WWP2: variants seen among roughly 807,000 people sequenced by gnomAD.
WWP2 encodes WW domain containing E3 ubiquitin protein ligase 2, also known as NEDD4-like E3 ubiquitin-protein ligase WWP2.
Under a neutral mutation model 121.0 loss-of-function variants are expected in WWP2, and 57 were observed. The ratio of observed to expected loss-of-function variants is 0.47; its 90% CI spans 0.38 to 0.59. The LOEUF is 0.59. WWP2 is among the 20% of genes least tolerant of loss of function. WWP2 has a pLI of 0.00. For missense variants in WWP2, 962 were observed against 1,158.9 expected (o/e 0.83, Z 2.47); for synonymous variants, 449 against 441.3 (o/e 1.02, Z -0.22).
At chr16:69,871,382 A>G (rs1234500494) in intron 6 of WWP2, among the ~76,000 whole-genome samples, 1 of 152,232 alleles carries the variant, frequency 6.6e-6, no homozygotes, top group Non-Finnish European at 1.5e-5. Flanking sequence ...TCATCTTTCT[A>G]GCTATAGAGA....
At chr16:69,814,074 C>T (rs1255184956) in intron 4 of WWP2, among the ~76,000 whole-genome samples, 7 of 152,104 alleles carry the variant, frequency 4.6e-5, no homozygotes, top group African/African-American at 9.7e-5. Flanking sequence ...CCTTGGGATT[C>T]GGGGACACAC....
chr16:69,852,798 C>A (rs1222635531), intron 6 of WWP2, among the ~76,000 whole-genome samples: 1 of 152,156 alleles, frequency 6.6e-6, no homozygotes, highest in East Asian at 1.9e-4. Context: ...CTCTTTACCA[C>A]CTGTTTTTGG....
At chr16:69,902,578 G>A (rs1052649299) in intron 8 of WWP2, among the ~76,000 whole-genome samples, 5 of 152,328 alleles carry the variant, frequency 3.3e-5, no homozygotes, top group Middle Eastern at 3.4e-3. Flanking sequence ...GGAAGCTATC[G>A]AGGGGGACAG....
chr16:69,790,436 A>G (rs1370458743), intron 2 of WWP2, among the ~76,000 whole-genome samples: 1 of 152,148 alleles, frequency 6.6e-6, no homozygotes, highest in African/African-American at 2.4e-5. Context: ...CATGTTGAGT[A>G]GCTGAGGAGG....
chr16:69,931,104 A>G (rs758619215), intron 13 of WWP2, 48 bp from the exon 14 acceptor site: 8 of 1,590,382 alleles, frequency 5.0e-6, no homozygotes, highest in Non-Finnish European at 6.9e-6. Flanking sequence ...CAAATTGTTC[A>G]TTTTCTGAGA....
chr16:69,855,286 A>G (rs951645496), intron 6 of WWP2, among the ~76,000 whole-genome samples: 5 of 152,188 alleles, frequency 3.3e-5, no homozygotes, highest in South Asian at 2.1e-4. Context: ...ATTTGTCTCA[A>G]TATTCTTGGG....
At chr16:69,796,545 G>A (rs1208014321) in intron 2 of WWP2, among the ~76,000 whole-genome samples, 1 of 152,192 alleles carries the variant, frequency 6.6e-6, no homozygotes, top group Non-Finnish European at 1.5e-5. Context: ...ACTATTCTGC[G>A]AAAAGACCAA....
At chr16:69,830,790 A>G (rs376188375) in intron 4 of WWP2, among the ~76,000 whole-genome samples, 17 of 152,170 alleles carry the variant, frequency 1.1e-4, no homozygotes, top group African/African-American at 4.1e-4. Context: ...AAATCCTGGA[A>G]TCATCTGGCT....
chr16:69,805,551 T>C (rs1334268800), intron 4 of WWP2, among the ~76,000 whole-genome samples: 2 of 152,014 alleles, frequency 1.3e-5, no homozygotes, highest in Non-Finnish European at 2.9e-5. Flanking sequence ...TTTGGCACCT[T>C]TCTGACTGGG....
rs762663557 is a variant in WWP2, at chr16:69,890,591, G to A, written c.914+2342G>A. Reference sequence around the variant, plus strand: ...TTGGCAGAAAGGAGAGAAAATGGCCGCCTGTGTCCCCAGTGAGCTGTTTGT... The same window carrying A: ...TTGGCAGAAAGGAGAGAAAATGGCCACCTGTGTCCCCAGTGAGCTGTTTGT... On this transcript the variant is annotated intron_variant, in intron 8 of 23. Transcript: ENST00000359154. 3.2e-4 allele frequency among the ~76,000 whole-genome samples: 49 copies of A among 152,276 alleles called. 1 individual carries two copies. The highest frequency in any genetic ancestry group is 1.3e-4 in the Admixed American group (2 of 15,286).
intron 13 of WWP2, 116 bp from the exon 14 acceptor site, chr16:69,931,036 C>G (rs899837805): frequency 1.9e-5 from 18 of 952,212 alleles, no homozygotes; most frequent in Non-Finnish European, 2.9e-5. Flanking sequence ...ACTTCCTCAC[C>G]TTACATTACT....
chr16:69,900,420 G>C (rs1249797513), intron 8 of WWP2, among the ~76,000 whole-genome samples: 1 of 136,838 alleles, frequency 7.3e-6, no homozygotes, highest in Non-Finnish European at 1.7e-5. Context: ...CTTGAGCCCA[G>C]GAGTTCAAAA....
chr16:69,903,907 G>A (rs1942346980), intron 8 of WWP2, among the ~76,000 whole-genome samples: 1 of 152,166 alleles, frequency 6.6e-6, no homozygotes, highest in Non-Finnish European at 1.5e-5. Context: ...TGAAAAATGA[G>A]CGTACTAGTA....
intron 1 of WWP2, among the ~76,000 whole-genome samples, chr16:69,780,865 A>G (rs2055649614): frequency 6.6e-6 from 1 of 152,038 alleles, no homozygotes; most frequent in Non-Finnish European, 1.5e-5. Context: ...TAAATTAATA[A>G]AAAAGGAAAA....
At chr16:69,922,920 C>T (rs924204119) in intron 10 of WWP2, among the ~76,000 whole-genome samples, 2 of 151,590 alleles carry the variant, frequency 1.3e-5, no homozygotes, top group African/African-American at 2.4e-5. Flanking sequence ...GACGGAGTCT[C>T]GCTCTGTTGC....
intron 4 of WWP2, among the ~76,000 whole-genome samples, chr16:69,818,526 C>T (rs1188466784): frequency 6.6e-6 from 1 of 152,154 alleles, no homozygotes; most frequent in Non-Finnish European, 1.5e-5. Context: ...TCTTGAGGAA[C>T]CTCCAGTGAG....
intron 4 of WWP2, among the ~76,000 whole-genome samples, chr16:69,802,763 C>T (rs1425703408): frequency 2.0e-5 from 3 of 151,828 alleles, no homozygotes; most frequent in Non-Finnish European, 4.4e-5. Context: ...GCCACCATGC[C>T]CAGCTAATTT....
chr16:69,905,616 C>T (rs2058277591), intron 8 of WWP2, among the ~76,000 whole-genome samples: 1 of 152,164 alleles, frequency 6.6e-6, no homozygotes, highest in African/African-American at 2.4e-5. Flanking sequence ...AAATCTGAAA[C>T]ACTTCTGGTC....
At chr16:69,885,482 A>C (rs2151935105) in intron 7 of WWP2, among the ~76,000 whole-genome samples, 1 of 152,352 alleles carries the variant, frequency 6.6e-6, no homozygotes, top group Non-Finnish European at 1.5e-5. Context: ...TTCTAGCATC[A>C]GGCTCTTACC....
Sources: gnomAD v4.1 joint callset for allele counts (sites outside exome capture counted in the v4.1 genomes callset) on GRCh38, gnomAD v4.1.1 for gene constraint, MANE v1.5 for transcripts, NCBI Gene and HGNC (gene_info 2026-07-23, HGNC 2026-07-21) for gene names.